Variants in LPAR3 observed in about 807,000 individuals in gnomAD.
The protein encoded by LPAR3 is LPA receptor 3.
Under a neutral mutation model 17.8 loss-of-function variants are expected in LPAR3, and 7 were observed. The ratio of observed to expected loss-of-function variants is 0.39; its 90% CI spans 0.22 to 0.74. LPAR3 has a LOEUF of 0.74. LPAR3 is among the 30% of genes least tolerant of loss of function. The pLI is 0.40. For missense variants in LPAR3, 391 were observed against 453.4 expected, an observed-to-expected ratio of 0.86 and a Z score of 1.25; for synonymous variants, 179 against 179.9, an observed-to-expected ratio of 0.99 and a Z score of 0.04.
chr1:84,889,211 C>T (rs1010719009), intron 1 of LPAR3, among the ~76,000 whole-genome samples: 10 of 152,144 alleles, frequency 6.6e-5, no homozygotes, highest in African/African-American at 2.4e-4. Context: ...CCTCCCCCAC[C>T]CTCCAGCTGG....
chr1:84,832,489 C>T (rs2102750366), intron 2 of LPAR3, among the ~76,000 whole-genome samples: 1 of 152,190 alleles, frequency 6.6e-6, no homozygotes, highest in African/African-American at 2.4e-5. Context: ...GAGAAGATAT[C>T]ACAGGTTGAG....
intron 1 of LPAR3, among the ~76,000 whole-genome samples, chr1:84,889,927 A>G (rs1231483385): frequency 1.3e-5 from 2 of 152,238 alleles, no homozygotes; most frequent in Non-Finnish European, 2.9e-5. Flanking sequence ...TATCCCCACT[A>G]TATAAATGAA....
At chr1:84,834,654 G>A (rs1659361871) in intron 2 of LPAR3, among the ~76,000 whole-genome samples, 1 of 152,182 alleles carries the variant, frequency 6.6e-6, no homozygotes, top group Non-Finnish European at 1.5e-5. Context: ...TGTAATTGAA[G>A]TATTTAATGT....
chr1:84,848,953 C>G (rs886728661), intron 2 of LPAR3, among the ~76,000 whole-genome samples: 3 of 152,260 alleles, frequency 2.0e-5, no homozygotes, highest in African/African-American at 2.4e-5. Context: ...TTCAACAGAA[C>G]AGTACAATGT....
intron 2 of LPAR3, among the ~76,000 whole-genome samples, chr1:84,827,571 C>T (rs1388740990): frequency 3.3e-5 from 5 of 152,128 alleles, no homozygotes; most frequent in African/African-American, 1.2e-4. Context: ...CCAGAGTGGG[C>T]GATATGACTG....
intron 2 of LPAR3, among the ~76,000 whole-genome samples, chr1:84,818,922 T>A (rs1658994163): frequency 6.6e-6 from 1 of 152,246 alleles, no homozygotes; most frequent in Non-Finnish European, 1.5e-5. Context: ...TTTCATTTTT[T>A]TCTATGTTTC....
intron 1 of LPAR3, among the ~76,000 whole-genome samples, chr1:84,887,105 C>T (rs1660475214): frequency 6.6e-6 from 1 of 152,088 alleles, no homozygotes; most frequent in African/African-American, 2.4e-5. Flanking sequence ...GGGCTCATGC[C>T]TGTAATCCCA....
chr1:84,826,430 A>T (rs958230759), intron 2 of LPAR3, among the ~76,000 whole-genome samples: 11 of 151,992 alleles, frequency 7.2e-5, no homozygotes, highest in African/African-American at 2.7e-4. Context: ...TTATTTTTTT[A>T]ATCTTAAATT....
chr1:84,883,325 A>G (rs921938537), intron 1 of LPAR3, among the ~76,000 whole-genome samples: 1 of 152,196 alleles, frequency 6.6e-6, no homozygotes, highest in Non-Finnish European at 1.5e-5. Context: ...GGTCACCACA[A>G]TAACACCCTA....
chr1:84,882,869 A>G (rs1001881217), intron 1 of LPAR3, among the ~76,000 whole-genome samples: 1 of 152,270 alleles, frequency 6.6e-6, no homozygotes, highest in Non-Finnish European at 1.5e-5. Flanking sequence ...GCAAAAGGGC[A>G]TGGCCCTGGA....
In LPAR3 at chr1:84,876,219, C is replaced by G. The variant is rs555001262; in HGVS notation, c.-18-10081G>C. Among the ~76,000 whole-genome samples the G allele has an allele frequency of 2.6e-5, 4 of 152,212 alleles. No homozygotes were observed. The East Asian group carries it at 7.7e-4, about 29-fold the overall frequency. ...TCCTGCCTGCCTCCCTCTCCTACCC[C>G]GTGTTCTGTCTGGTAGTAAAGGTAG... On this transcript the variant is annotated intron_variant, in intron 1 of 2. Transcript: ENST00000370611.
chr1:84,863,332 T>TA (rs1359296281), intron 2 of LPAR3, among the ~76,000 whole-genome samples: 1 of 152,202 alleles, frequency 6.6e-6, no homozygotes, highest in Non-Finnish European at 1.5e-5. Context: ...CTCTTGGCTA[T>TA]ACCAAATGTG....
At chr1:84,851,503 C>T (rs543328915) in intron 2 of LPAR3, among the ~76,000 whole-genome samples, 16 of 152,330 alleles carry the variant, frequency 1.1e-4, no homozygotes, top group African/African-American at 3.4e-4. Flanking sequence ...AAGAGAGGCA[C>T]TTAGCAAATA....
At chr1:84,860,519 C>T (rs1324060116) in intron 2 of LPAR3, among the ~76,000 whole-genome samples, 1 of 152,150 alleles carries the variant, frequency 6.6e-6, no homozygotes, top group Non-Finnish European at 1.5e-5. Flanking sequence ...GCAAATCCCA[C>T]CTATCCTTCC....
At chr1:84,857,782 C>G (rs1423520832) in intron 2 of LPAR3, among the ~76,000 whole-genome samples, 1 of 152,210 alleles carries the variant, frequency 6.6e-6, no homozygotes, top group East Asian at 1.9e-4. Context: ...GGGTTGGAAT[C>G]TCAGCTCTGC....
At chr1:84,826,676 A>T (rs2102747596) in intron 2 of LPAR3, among the ~76,000 whole-genome samples, 1 of 152,198 alleles carries the variant, frequency 6.6e-6, no homozygotes, top group African/African-American at 2.4e-5. Flanking sequence ...TGACTACATT[A>T]ATTCACTAAA....
intron 2 of LPAR3, among the ~76,000 whole-genome samples, chr1:84,855,688 A>G (rs1256394152): frequency 6.6e-6 from 1 of 152,182 alleles, no homozygotes. Flanking sequence ...GGACCAGAGG[A>G]AATGGAAGAA....
rs2102741517 is a variant in LPAR3, at chr1:84,813,142, TATATATATATATATATAGACAC to T, written c.*682_*703del. 9.0e-6 allele frequency: 1 copy of T among 111,142 alleles called. No homozygotes were observed. The highest frequency in any genetic ancestry group is 3.5e-5 in the African/African-American group (1 of 28,610). 6.9% of individuals were successfully genotyped at this position (111,142 alleles called of 1,614,324 possible). On this transcript the variant is annotated 3_prime_UTR_variant, in exon 3 of 3. Coordinates refer to ENST00000370611, the MANE Select transcript of LPAR3 (RefSeq NM_012152.3). ...AAAAACAGGAATATATATATATATA[TATATATATATATATATAGACAC>T]ACACACACACACACACACACATGCA...
At chr1:84,855,102 C>G (rs1238032740) in intron 2 of LPAR3, among the ~76,000 whole-genome samples, 1 of 152,164 alleles carries the variant, frequency 6.6e-6, no homozygotes, top group African/African-American at 2.4e-5. Context: ...ACCCCTTATC[C>G]CAGCTTCTGT....
Sources: allele counts gnomAD v4.1 joint callset (sites outside exome capture counted in the v4.1 genomes callset), GRCh38; gene constraint gnomAD v4.1.1; transcripts MANE v1.5; gene names NCBI Gene and HGNC (gene_info 2026-07-23, HGNC 2026-07-21).